Variants in ARHGAP26 observed in about 807,000 individuals in gnomAD.
The protein encoded by ARHGAP26 is rho GTPase-activating protein 26.
Under a neutral mutation model 104.8 loss-of-function variants are expected in ARHGAP26, and 38 were observed. The ratio of observed to expected loss-of-function variants is 0.36; its 90% confidence interval spans 0.28 to 0.48. The LOEUF is 0.48. Among genes scored for constraint, ARHGAP26 ranks in the 20% least tolerant of loss-of-function variants. The pLI, the probability that ARHGAP26 is intolerant of heterozygous loss-of-function variation, is 0.99. For synonymous variants in ARHGAP26, 341 were observed against 340.0 expected (o/e 1.00, Z -0.03); for missense variants, 704 against 947.9 (o/e 0.74, Z 3.38).
At chr5:142,777,142 C>T (rs554417013) in intron 1 of ARHGAP26, among the ~76,000 whole-genome samples, 14 of 152,246 alleles carry the variant, frequency 9.2e-5, no homozygotes, top group African/African-American at 3.1e-4. Flanking sequence ...GTGAACAGCA[C>T]TTAGTATATT....
chr5:143,220,140 T>C (rs1442759590), intron 22 of ARHGAP26, among the ~76,000 whole-genome samples: 1 of 152,252 alleles, frequency 6.6e-6, no homozygotes, highest in Admixed American at 6.5e-5. Flanking sequence ...TAACTCAACT[T>C]GGAGCTTGGC....
intron 17 of ARHGAP26, among the ~76,000 whole-genome samples, chr5:143,087,644 T>C (rs1478682285): frequency 1.9e-4 from 23 of 121,628 alleles, no homozygotes; most frequent in African/African-American, 7.7e-4. Context: ...TTCTTTTTTT[T>C]TTTTTTTTTT....
At chr5:142,901,355 A>C (rs1760303006) in intron 6 of ARHGAP26, among the ~76,000 whole-genome samples, 1 of 152,250 alleles carries the variant, frequency 6.6e-6, no homozygotes, top group Admixed American at 6.5e-5. Flanking sequence ...ATTTTAATAA[A>C]GGAATCCATA....
At chr5:143,096,493 A>G (rs1296007063) in intron 17 of ARHGAP26, among the ~76,000 whole-genome samples, 1 of 152,200 alleles carries the variant, frequency 6.6e-6, no homozygotes, top group Admixed American at 6.5e-5. Flanking sequence ...TTTTACGTTT[A>G]CATGGTGTTT....
intron 12 of ARHGAP26, among the ~76,000 whole-genome samples, chr5:143,015,887 C>T (rs1779519382): frequency 6.6e-6 from 1 of 152,222 alleles, no homozygotes; most frequent in African/African-American, 2.4e-5. Context: ...CTGGTTCTGA[C>T]ATTTCTTAAG....
chr5:143,011,742 A>G (rs533192609), intron 11 of ARHGAP26, among the ~76,000 whole-genome samples: 1 of 152,200 alleles, frequency 6.6e-6, no homozygotes, highest in South Asian at 2.1e-4. Context: ...GATGATAAAG[A>G]TGCTGCTGAG....
At chr5:143,170,232 G>C (rs1030340416) in intron 20 of ARHGAP26, 7 of 152,182 alleles carry the variant, frequency 4.6e-5, no homozygotes, top group African/African-American at 1.7e-4. Context: ...CTGGCCCCTT[G>C]TCTTCTGTGA....
intron 1 of ARHGAP26, among the ~76,000 whole-genome samples, chr5:142,852,796 G>A (rs926768373): frequency 6.6e-5 from 10 of 152,276 alleles, no homozygotes; most frequent in South Asian, 6.2e-4. Context: ...ACTTACTTAC[G>A]TTCTAAAAGA....
intron 11 of ARHGAP26, among the ~76,000 whole-genome samples, chr5:142,956,598 G>A (rs974239033): frequency 1.2e-4 from 18 of 152,044 alleles, no homozygotes; most frequent in Non-Finnish European, 2.4e-4. Flanking sequence ...AAATAAAAAA[G>A]CAGGGCAAAC....
intron 10 of ARHGAP26, chr5:142,919,470 G>T: frequency 2.5e-6 from 1 of 398,142 alleles, no homozygotes; most frequent in South Asian, 1.3e-4. Flanking sequence ...ACTTTGTTAC[G>T]GCAGCCCCAG....
At chr5:142,959,781 C>T (rs1229145468) in intron 11 of ARHGAP26, among the ~76,000 whole-genome samples, 2 of 152,220 alleles carry the variant, frequency 1.3e-5, no homozygotes, top group African/African-American at 2.4e-5. Flanking sequence ...AAAACCCCTT[C>T]ACAGTAGTAC....
At position 142,879,367 on chromosome 5, in the gene ARHGAP26, T is replaced by C. The variant is rs116101547; in HGVS notation, c.313-7T>C. 4.3e-4 allele frequency: 701 copies of C among 1,613,574 alleles called. 5 individuals carry two copies. In the African/African-American group the frequency reaches 8.6e-3, roughly 20 times the overall value. On this transcript the variant is annotated splice_polypyrimidine_tract_variant and splice_region_variant and intron_variant, in intron 3 of 22. Coordinates refer to ENST00000645722, the MANE Select transcript of ARHGAP26 (RefSeq NM_001135608.3). ...CTTCTTTCCCTTACTCTGTTGTTCTTCACCAGATTGAGAATGCCAGCGAGG... is the reference window on the plus strand; with the variant it reads ...CTTCTTTCCCTTACTCTGTTGTTCTCCACCAGATTGAGAATGCCAGCGAGG...
chr5:142,850,294 T>G (rs1751261482), intron 1 of ARHGAP26, among the ~76,000 whole-genome samples: 1 of 152,222 alleles, frequency 6.6e-6, no homozygotes, highest in African/African-American at 2.4e-5. Flanking sequence ...TGTGACCAGT[T>G]TAACTCCTCC....
chr5:143,178,020 G>A (rs1295326939), intron 20 of ARHGAP26, among the ~76,000 whole-genome samples: 2 of 89,364 alleles, frequency 2.2e-5, no homozygotes, highest in East Asian at 7.9e-4. Flanking sequence ...TTTTTTTTGA[G>A]ACAGCATCTC....
intron 11 of ARHGAP26, among the ~76,000 whole-genome samples, chr5:142,965,402 G>T (rs561965769): frequency 6.6e-6 from 1 of 152,236 alleles, no homozygotes; most frequent in South Asian, 2.1e-4. Flanking sequence ...TTTTGATACC[G>T]CTAGACCACG....
chr5:142,879,941 G>T (rs1300735789), intron 4 of ARHGAP26, among the ~76,000 whole-genome samples: 1 of 152,146 alleles, frequency 6.6e-6, no homozygotes, highest in Admixed American at 6.5e-5. Context: ...CTGGAAATGG[G>T]CCCTCTCTTG....
Position 142,963,183 on chromosome 5 carries a change from T to TATATAC in ARHGAP26, c.1107+31063_1107+31064insCATATA, listed in dbSNP as rs1259767142. 7.4e-4 allele frequency among the ~76,000 whole-genome samples: 80 copies of TATATAC among 107,410 alleles called. 2 individuals are homozygous for TATATAC. Among genetic ancestry groups the TATATAC allele is most frequent in the African/African-American group, 3.0e-3 (58 of 19,576 alleles). 70.5% of individuals were successfully genotyped at this position (107,410 alleles called of 152,430 possible). On this transcript the variant is annotated intron_variant, in intron 11 of 22. Transcript: ENST00000645722. The stretch of plus-strand genomic sequence containing the variant: ...TCCATGGTATATATGTATATATATA[T>TATATAC]ATATATATATATATATGTGTGTGTG...
intron 11 of ARHGAP26, among the ~76,000 whole-genome samples, chr5:142,937,805 T>C (rs1765660393): frequency 6.6e-6 from 1 of 152,190 alleles, no homozygotes; most frequent in Admixed American, 6.5e-5. Context: ...AAAATATACT[T>C]TAATTTTGTA....
intron 11 of ARHGAP26, among the ~76,000 whole-genome samples, chr5:142,976,717 A>G (rs906378963): frequency 9.2e-5 from 14 of 152,260 alleles, no homozygotes; most frequent in Non-Finnish European, 1.5e-4. Context: ...ACAGTTCTGT[A>G]GAGACATCTG....
Sources: allele counts gnomAD v4.1 joint callset (sites outside exome capture counted in the v4.1 genomes callset), GRCh38; gene constraint gnomAD v4.1.1; transcripts MANE v1.5; gene names NCBI Gene and HGNC (gene_info 2026-07-23, HGNC 2026-07-21).